ADGRG4: variants seen among roughly 807,000 people sequenced by gnomAD.
The protein encoded by ADGRG4 is adhesion G protein-coupled receptor G4, also known as G protein-coupled receptor 112.
ADGRG4 carries 122 observed loss-of-function variants against 126.2 expected under a neutral mutation model. The ratio of observed to expected loss-of-function variants is 0.97; its 90% CI spans 0.83 to 1.12. The LOEUF is 1.12. ADGRG4 is among the 50% of genes most tolerant of loss of function. The probability of loss-of-function intolerance (pLI) is 0.00; values close to 1 mark genes in which losing one functional copy is unlikely to be tolerated. For synonymous variants in ADGRG4, 943 were observed against 838.7 expected (o/e 1.12, Z -2.15); for missense variants, 2,481 against 2,251.8 (o/e 1.10, Z -2.06).
At chrX:136,416,051 C>G (rs144097661) in intron 25 of ADGRG4, among the ~76,000 whole-genome samples, 147 of 111,820 alleles carry the variant, frequency 1.3e-3, no homozygotes, top group African/African-American at 4.7e-3. Flanking sequence ...CCCTCTGTAC[C>G]ACCAGGCATT....
intron 15 of ADGRG4, among the ~76,000 whole-genome samples, chrX:136,382,747 A>T (rs979325525): frequency 5.4e-5 from 6 of 111,412 alleles, no homozygotes; most frequent in African/African-American, 2.0e-4. Context: ...GTCCGGATCA[A>T]TCACCCCAGC....
At chrX:136,379,445 C>T (rs1287592699) in intron 15 of ADGRG4, among the ~76,000 whole-genome samples, 1 of 104,136 alleles carries the variant, frequency 9.6e-6, no homozygotes, top group African/African-American at 3.5e-5. Context: ...TGCCCCCTGC[C>T]CTCTCCTCCC....
In ADGRG4 at chrX:136,392,261, C is replaced by G. The variant is rs1329546; in HGVS notation, c.7941C>G (p.Thr2647=). The stretch of plus-strand genomic sequence containing the variant: ...AAAATGTCACTAAAGCATTAACCAC[C>G]TATGTTGTGAGTGCCAGCATTTCAG... ...KTKNVTKALT[T]YVVSASISDD... Residue 2647 remains threonine (T), a synonymous_variant, in exon 17 of 26, where the codon ACC becomes ACG. Coordinates refer to ENST00000394143, the MANE Select transcript of ADGRG4 (RefSeq NM_153834.4). The G allele has an allele frequency of 8.4e-7, 1 of 1,190,456 alleles. No individual in the cohort carries two copies. The highest frequency in any genetic ancestry group is 1.9e-5 in the South Asian group (1 of 53,130).
Position 136,345,220 on chromosome X carries a change from A to G in ADGRG4, c.1514A>G (p.His505Arg). Residue 505 changes from histidine (H) to arginine (R), a missense_variant, in exon 6 of 26, where the codon CAT (histidine) becomes CGT (arginine). Coordinates refer to ENST00000394143, the MANE Select transcript of ADGRG4 (RefSeq NM_153834.4). The part of the protein sequence containing the change: ...TTDMKIAFTV[H>R]SLTLPTRLIE... ...GATATGAAAATAGCATTTACAGTCC[A>G]TTCATTGACTCTCCCAACTAGGCTT... is the stretch of plus-strand genomic sequence containing the variant. 8.3e-7 allele frequency: 1 copy of G among 1,210,921 alleles called. No individual in the cohort carries two copies. The highest frequency in any genetic ancestry group is 1.1e-6 in the Non-Finnish European group (1 of 894,780).
At chrX:136,413,138 G>A in intron 24 of ADGRG4, among the ~76,000 whole-genome samples, 2 of 107,010 alleles carry the variant, frequency 1.9e-5, no homozygotes, top group Admixed American at 1.0e-4. Context: ...TGCACATTGT[G>A]CAGGTTAGTT....
chrX:136,350,127 T>C lies in ADGRG4; in HGVS notation c.6421T>C (p.Ser2141Pro). ...ACCTTCTACAACTGACCACACTCTA[T>C]CTGTTGGTGCCATGCCTCTGCCTAG... ...MSPSTTDHTL[S>P]VGAMPLPSST... Residue 2141 changes from serine (S) to proline (P), a missense_variant, in exon 6 of 26, where the codon TCT becomes CCT. Coordinates refer to ENST00000394143, the MANE Select transcript of ADGRG4 (RefSeq NM_153834.4). The C allele has an allele frequency of 8.3e-7, 1 of 1,209,464 alleles. No individual in the cohort carries two copies. The highest frequency in any genetic ancestry group is 1.1e-6 in the Non-Finnish European group (1 of 893,596).
chrX:136,330,382 T>A (rs913636129), intron 5 of ADGRG4, among the ~76,000 whole-genome samples: 1 of 109,716 alleles, frequency 9.1e-6, no homozygotes, highest in Non-Finnish European at 1.9e-5. Flanking sequence ...ACTTTTAGGA[T>A]TACCTTTTTT....
At chrX:136,316,213 G>A (rs985163766) in intron 4 of ADGRG4, among the ~76,000 whole-genome samples, 3 of 111,201 alleles carry the variant, frequency 2.7e-5, no homozygotes. Context: ...AACCTCATTT[G>A]TCCTTTGCCC....
rs2074948480 is a variant in ADGRG4 at position 136,336,418 on chromosome X, T to A, written c.686-7974T>A. ...CCTGCTGATTTTCTGTTTAGTAGCTTTATCACTTGTTGAGACAGGGGTGTT... is the reference window on the plus strand; with the variant it reads ...CCTGCTGATTTTCTGTTTAGTAGCTATATCACTTGTTGAGACAGGGGTGTT... On this transcript the variant is annotated intron_variant, in intron 5 of 25. Coordinates refer to ENST00000394143, the MANE Select transcript of ADGRG4 (RefSeq NM_153834.4). Among the ~76,000 whole-genome samples, 3 of 111,892 alleles carry A rather than the reference T, an allele frequency of 2.7e-5. No individual in the cohort carries two copies. The South Asian group carries it at 1.1e-3, about 42-fold the overall frequency.
At chrX:136,396,303 A>G (rs17002618) in intron 19 of ADGRG4, among the ~76,000 whole-genome samples, 5,335 of 107,261 alleles carry the variant, frequency 0.05, 368 homozygotes, top group African/African-American at 0.17. Context: ...TATGTTACTT[A>G]TTCCTACAAA....
intron 15 of ADGRG4, among the ~76,000 whole-genome samples, chrX:136,377,329 G>A (rs761671138): frequency 9.3e-6 from 1 of 107,562 alleles, no homozygotes; most frequent in African/African-American, 3.4e-5. Context: ...TGTAGCTGTG[G>A]CCACAGGCAC....
At position 136,392,224 on chromosome X, in the gene ADGRG4, A is replaced by G; in HGVS notation, c.7912-8A>G. On this transcript the variant is annotated splice_polypyrimidine_tract_variant and splice_region_variant and intron_variant, in intron 16 of 25. Transcript: ENST00000394143. ...AGGTCCTGAACTCCTCTTTTGTTTC[A>G]TCTGCAGACCAAAAATGTCACTAAA... 8.7e-7 allele frequency: 1 copy of G among 1,154,838 alleles called. No individual in the cohort carries two copies. The highest frequency in any genetic ancestry group is 2.1e-5 in the South Asian group (1 of 47,001).
rs1222619561 is a variant in ADGRG4, at chrX:136,347,413, C to T, written c.3707C>T (p.Thr1236Ile). 4.1e-6 allele frequency: 5 copies of T among 1,208,965 alleles called. No individual in the cohort carries two copies. Among genetic ancestry groups the T allele is most frequent in the African/African-American group, 3.5e-5 (2 of 57,120 alleles). Reference protein sequence around the residue: ...SVNSHISSSATYRVHTPVSIQ... With the variant: ...SVNSHISSSAIYRVHTPVSIQ... ...AACAGTCACATTTCTTCATCTGCCA[C>T]ATATCGTGTACACACACCAGTGTCC... The change falls in exon 6 of 26, where the codon ACA (threonine) becomes ATA (isoleucine). Residue 1236 changes from threonine (T) to isoleucine (I), a missense_variant. By Grantham distance (89) the Thr-to-Ile change is moderately conservative. Coordinates refer to ENST00000394143, the MANE Select transcript of ADGRG4 (RefSeq NM_153834.4).
intron 2 of ADGRG4, 130 bp downstream of exon 2, chrX:136,304,337 A>G (rs895489918): frequency 6.2e-5 from 7 of 112,194 alleles, no homozygotes; most frequent in Non-Finnish European, 1.3e-4. Flanking sequence ...TTGAAAAAAA[A>G]GAACACATGC....
chrX:136,323,278 A>T lies in ADGRG4; in HGVS notation c.571A>T (p.Ile191Phe). 1.7e-6 allele frequency: 2 copies of T among 1,211,117 alleles called. No individual in the cohort carries two copies. The highest frequency in any genetic ancestry group is 2.2e-6 in the Non-Finnish European group (2 of 895,222). ...GTACTACTTTCAACTCTGGGACCACATCCTGGAAAACGAAGAGTTTATGAA... is the reference window on the plus strand; with the variant it reads ...GTACTACTTTCAACTCTGGGACCACTTCCTGGAAAACGAAGAGTTTATGAA... Reference protein sequence around the residue: ...SLYYFQLWDHILENEEFMKCL... With the variant: ...SLYYFQLWDHFLENEEFMKCL... The change falls in exon 5 of 26, where the codon ATC becomes TTC. Residue 191 changes from isoleucine to phenylalanine, a missense_variant. Ile to Phe is a conservative substitution (Grantham distance 21). Transcript: ENST00000394143.
At chrX:136,355,101 C>A (rs1266669811) in intron 8 of ADGRG4, among the ~76,000 whole-genome samples, 1 of 111,725 alleles carries the variant, frequency 9.0e-6, no homozygotes, top group East Asian at 2.8e-4. Context: ...GGGAGAAGAT[C>A]AGAGAGATTC....
intron 4 of ADGRG4, among the ~76,000 whole-genome samples, chrX:136,319,836 C>G (rs1603291575): frequency 9.0e-6 from 1 of 110,669 alleles, no homozygotes; most frequent in South Asian, 3.9e-4. Context: ...ATCCATCCAC[C>G]CATCCATCTT....
intron 1 of ADGRG4, among the ~76,000 whole-genome samples, chrX:136,301,595 G>T (rs1423718283): frequency 8.9e-6 from 1 of 111,982 alleles, no homozygotes; most frequent in Non-Finnish European, 1.9e-5. Flanking sequence ...AATTTAATTA[G>T]ATCCCATTTG....
At position 136,346,039 on chromosome X, in the gene ADGRG4, C is replaced by A. The variant is rs767988462; in HGVS notation, c.2333C>A (p.Pro778Gln). 8.3e-7 allele frequency: 1 copy of A among 1,205,629 alleles called. No individual in the cohort carries two copies. Among genetic ancestry groups the A allele is most frequent in the South Asian group, 1.8e-5 (1 of 56,143 alleles). Residue 778 changes from proline (P) to glutamine (Q), a missense_variant, in exon 6 of 26, where the codon CCA (proline) becomes CAA (glutamine). Coordinates refer to ENST00000394143, the MANE Select transcript of ADGRG4 (RefSeq NM_153834.4). ...CCTGCAAATGAACTTCCTTTGACACCAAGGGAGACTGTTGTTCCATCAGTA... is the reference window on the plus strand; with the variant it reads ...CCTGCAAATGAACTTCCTTTGACACAAAGGGAGACTGTTGTTCCATCAGTA... Reference protein sequence around the residue: ...TKPANELPLTPRETVVPSVDI... With the variant: ...TKPANELPLTQRETVVPSVDI...
Sources: gnomAD v4.1 joint callset for allele counts (sites outside exome capture counted in the v4.1 genomes callset) on GRCh38, gnomAD v4.1.1 for gene constraint, MANE v1.5 for transcripts, NCBI Gene and HGNC (gene_info 2026-07-23, HGNC 2026-07-21) for gene names.